LTBP1: variants seen among roughly 807,000 people sequenced by gnomAD.
LTBP1 encodes the protein latent transforming growth factor beta binding protein 1.
LTBP1 carries 129 observed loss-of-function variants against 207.6 expected under a neutral mutation model. The observed-to-expected ratio is 0.62, with a 90% CI of 0.54 to 0.72. The LOEUF (loss-of-function observed/expected upper bound fraction) is 0.72. Among genes scored for constraint, LTBP1 ranks in the 30% least tolerant of loss-of-function variants. The pLI is 0.00. For missense variants in LTBP1, 2,281 were observed against 2,217.2 expected (o/e 1.03, Z -0.58); for synonymous variants, 963 against 833.7 (o/e 1.16, Z -2.67).
chr2:33,217,701 G>GT lies in LTBP1; in HGVS notation c.1804+53dup, dbSNP rs746620523. ...CTTTGCAGGTTAATGTAGCATATCT[G>GT]TTTTTTATGATTACTCCTTTAATGA... On this transcript the variant is annotated intron_variant, in intron 8 of 33. Coordinates refer to ENST00000404816, the MANE Select transcript of LTBP1 (RefSeq NM_206943.4). The GT allele has an allele frequency of 6.0e-6, 8 of 1,322,498 alleles. No homozygotes were observed. The East Asian group carries it at 9.3e-5, about 15-fold the overall frequency. 81.9% of individuals were successfully genotyped at this position (1,322,498 alleles called of 1,614,324 possible). A position where few individuals can be genotyped will look rare whatever the true frequency, so the allele number is the denominator to read the frequency against.
At chr2:33,202,759 A>G (rs193056565) in intron 7 of LTBP1, among the ~76,000 whole-genome samples, 88 of 152,330 alleles carry the variant, frequency 5.8e-4, no homozygotes, top group Admixed American at 1.1e-3. Context: ...CCCATCGCCT[A>G]AGGCCACATG....
intron 4 of LTBP1, among the ~76,000 whole-genome samples, chr2:33,117,415 G>A (rs1188256966): frequency 1.3e-5 from 2 of 152,154 alleles, no homozygotes; most frequent in Non-Finnish European, 2.9e-5. Context: ...AAGTTCACAT[G>A]TCTGGAGCGA....
Position 33,123,510 on chromosome 2 carries a change from T to G in LTBP1, c.1034-11283T>G, listed in dbSNP as rs1185919660. 2.6e-5 allele frequency among the ~76,000 whole-genome samples: 4 copies of G among 152,324 alleles called. No homozygotes were observed. In the East Asian group the frequency reaches 7.7e-4, roughly 29 times the overall value. On this transcript the variant is annotated intron_variant, in intron 4 of 33. Transcript: ENST00000404816. ...TCTAGCAAAATTAGATGCCTCTCTT[T>G]GAAAGGGTTTTTCAAAGACTATTAA...
intron 3 of LTBP1, among the ~76,000 whole-genome samples, chr2:33,025,030 T>C (rs2075349966): frequency 6.6e-6 from 1 of 152,178 alleles, no homozygotes; most frequent in Non-Finnish European, 1.5e-5. Flanking sequence ...TTCCTCTCTA[T>C]GTGGACCTCT....
chr2:33,035,814 C>A (rs1486304590), intron 3 of LTBP1, among the ~76,000 whole-genome samples: 2 of 152,136 alleles, frequency 1.3e-5, no homozygotes, highest in African/African-American at 2.4e-5. Context: ...TTATAATTTA[C>A]AACACACATA....
chr2:32,951,206 A>G (rs935646091), intron 2 of LTBP1, among the ~76,000 whole-genome samples: 25 of 152,224 alleles, frequency 1.6e-4, no homozygotes, highest in Non-Finnish European at 1.5e-5. Context: ...CATCTAAGCA[A>G]TGTGACATCA....
At chr2:33,287,782 A>G (rs1339823712) in intron 19 of LTBP1, among the ~76,000 whole-genome samples, 4 of 152,224 alleles carry the variant, frequency 2.6e-5, no homozygotes, top group Admixed American at 1.3e-4. Context: ...TGCTGCTACT[A>G]CCACATATTT....
intron 3 of LTBP1, among the ~76,000 whole-genome samples, chr2:33,076,603 C>T (rs558501256): frequency 7.3e-4 from 110 of 151,598 alleles, no homozygotes; most frequent in African/African-American, 2.6e-3. Flanking sequence ...GTGGCGTGAT[C>T]TCAGCTCACT....
At chr2:33,157,586 C>G (rs2084071672) in intron 5 of LTBP1, among the ~76,000 whole-genome samples, 1 of 152,180 alleles carries the variant, frequency 6.6e-6, no homozygotes, top group South Asian at 2.1e-4. Context: ...CAGACCCAGG[C>G]TTCTGACTCC....
chr2:33,158,971 C>T (rs1211354225), intron 5 of LTBP1, among the ~76,000 whole-genome samples: 1 of 152,178 alleles, frequency 6.6e-6, no homozygotes, highest in Non-Finnish European at 1.5e-5. Flanking sequence ...ATAGGAAACA[C>T]AGTTCTTTGG....
chr2:33,364,210 C>G lies in LTBP1; in HGVS notation c.4400-6C>G. ...TTCTTTAGTAATACTTTTTTTTGCT[C>G]TTAAGATATGGATGAATGTCAAGAC... On this transcript the variant is annotated splice_region_variant and splice_polypyrimidine_tract_variant and intron_variant, in intron 29 of 33. Transcript: ENST00000404816. 2 of 1,604,386 alleles carry G rather than the reference C, an allele frequency of 1.2e-6. No individual in the cohort carries two copies. The highest frequency in any genetic ancestry group is 1.7e-6 in the Non-Finnish European group (2 of 1,177,208).
chr2:33,028,423 A>T (rs1279021708), intron 3 of LTBP1, among the ~76,000 whole-genome samples: 5 of 152,270 alleles, frequency 3.3e-5, no homozygotes, highest in East Asian at 3.9e-4. Context: ...TAATCCCTGC[A>T]CTTTGGGAGG....
intron 5 of LTBP1, among the ~76,000 whole-genome samples, chr2:33,137,520 T>A (rs2082242447): frequency 6.6e-6 from 1 of 152,208 alleles, no homozygotes; most frequent in African/African-American, 2.4e-5. Context: ...AGAGACAATA[T>A]GAACAAGAAT....
chr2:33,020,820 C>T, intron 2 of LTBP1, 89 bp from the exon 3 acceptor site: 1 of 1,291,594 alleles, frequency 7.7e-7, no homozygotes, highest in South Asian at 1.6e-5. Flanking sequence ...GGAGAACAAA[C>T]AACCTGATGC....
chr2:33,118,828 G>C (rs545860439), intron 4 of LTBP1, among the ~76,000 whole-genome samples: 1 of 152,178 alleles, frequency 6.6e-6, no homozygotes, highest in Non-Finnish European at 1.5e-5. Flanking sequence ...TAACATTCCA[G>C]TTCAGGGAAG....
At chr2:33,060,067 G>A (rs1365842415) in intron 3 of LTBP1, among the ~76,000 whole-genome samples, 1 of 152,146 alleles carries the variant, frequency 6.6e-6, no homozygotes, top group Non-Finnish European at 1.5e-5. Flanking sequence ...CTTGTCTCTT[G>A]GAGGCTGACC....
chr2:33,325,028 T>C (rs2094409132), intron 24 of LTBP1, among the ~76,000 whole-genome samples: 2 of 152,224 alleles, frequency 1.3e-5, no homozygotes, highest in Non-Finnish European at 2.9e-5. Flanking sequence ...CCCATATTTA[T>C]TTTAAATCAT....
chr2:33,334,931 A>AAAG (rs936727314), intron 24 of LTBP1, among the ~76,000 whole-genome samples: 1 of 149,670 alleles, frequency 6.7e-6, no homozygotes, highest in African/African-American at 2.5e-5. Flanking sequence ...AAAAAAAAAA[A>AAAG]TGCCAGGCAT....
chr2:33,116,299 T>C (rs1248379268), intron 4 of LTBP1, among the ~76,000 whole-genome samples: 2 of 152,262 alleles, frequency 1.3e-5, no homozygotes, highest in Non-Finnish European at 2.9e-5. Context: ...GTTGTCGTTC[T>C]CTCAAGATGG....
Sources: allele counts gnomAD v4.1 joint callset (sites outside exome capture counted in the v4.1 genomes callset), GRCh38; gene constraint gnomAD v4.1.1; transcripts MANE v1.5; gene names NCBI Gene and HGNC (gene_info 2026-07-23, HGNC 2026-07-21).